Variants in SBF2 observed in about 807,000 individuals in gnomAD.
SBF2 encodes SET binding factor 2.
A neutral mutation model predicts 225.2 loss-of-function variants in SBF2; 112 were observed. The ratio of observed to expected loss-of-function variants is 0.50; its 90% confidence interval spans 0.43 to 0.58. SBF2 has a LOEUF of 0.58. SBF2 is among the 20% of genes least tolerant of loss of function. The pLI is 0.00. For synonymous variants in SBF2, 763 were observed against 773.3 expected (o/e 0.99, Z 0.22); for missense variants, 1,996 against 2,206.2 (o/e 0.90, Z 1.91).
At chr11:10,041,444 C>G (rs1459972690) in intron 3 of SBF2, among the ~76,000 whole-genome samples, 1 of 152,100 alleles carries the variant, frequency 6.6e-6, no homozygotes, top group East Asian at 1.9e-4. Context: ...TATTTAACAT[C>G]AAATATCGGT....
In SBF2 at chr11:9,968,561, T is replaced by C; in HGVS notation, c.1396-16A>G. The stretch of plus-strand genomic sequence containing the variant: ...TTGGATTCTCCTGTAATATCAGACA[T>C]AGGTAAAATTACTCCAAGTTAAAAT... On this transcript the variant is annotated splice_polypyrimidine_tract_variant and intron_variant, in intron 13 of 39. Transcript: ENST00000256190. 2 of 1,596,168 alleles carry C rather than the reference T, an allele frequency of 1.3e-6. No homozygotes were observed. The highest frequency in any genetic ancestry group is 1.7e-6 in the Non-Finnish European group (2 of 1,163,626).
At chr11:9,850,348 T>C in intron 21 of SBF2, 130 bp from the exon 22 acceptor site, 2 of 845,740 alleles carry the variant, frequency 2.4e-6, no homozygotes, top group Admixed American at 2.0e-5. Flanking sequence ...ATCAAACTCC[T>C]GGGCTCAAAA....
At chr11:10,154,286 A>C (rs1295252470) in intron 2 of SBF2, among the ~76,000 whole-genome samples, 1 of 152,108 alleles carries the variant, frequency 6.6e-6, no homozygotes, top group African/African-American at 2.4e-5. Context: ...GTGTTTGGAG[A>C]TTCTGGAAAG....
intron 1 of SBF2, among the ~76,000 whole-genome samples, chr11:10,247,900 G>A (rs1049459911): frequency 3.9e-5 from 6 of 152,162 alleles, no homozygotes; most frequent in African/African-American, 1.4e-4. Context: ...AAGAGGCACT[G>A]AAGAGGGTAG....
chr11:9,970,088 T>C (rs1232576662), intron 13 of SBF2, among the ~76,000 whole-genome samples: 2 of 152,232 alleles, frequency 1.3e-5, no homozygotes, highest in Non-Finnish European at 2.9e-5. Flanking sequence ...TAGGGAAGGC[T>C]GCTTTACAAC....
At chr11:10,272,605 C>T (rs1166614776) in intron 1 of SBF2, among the ~76,000 whole-genome samples, 1 of 152,000 alleles carries the variant, frequency 6.6e-6, no homozygotes, top group East Asian at 1.9e-4. Flanking sequence ...AACCCCGTCT[C>T]TACTAAAAAT....
At chr11:9,814,333 G>A (rs1854347422) in intron 29 of SBF2, among the ~76,000 whole-genome samples, 2 of 152,186 alleles carry the variant, frequency 1.3e-5, no homozygotes, top group African/African-American at 4.8e-5. Flanking sequence ...TGGTTGCACA[G>A]CAACATAAAT....
intron 2 of SBF2, among the ~76,000 whole-genome samples, chr11:10,121,558 T>C (rs1953451066): frequency 6.6e-6 from 1 of 152,196 alleles, no homozygotes; most frequent in Non-Finnish European, 1.5e-5. Context: ...AGGGCTAGTA[T>C]TCTCGAAACC....
intron 10 of SBF2, 52 bp downstream of exon 10, chr11:9,993,869 T>C: frequency 6.7e-7 from 1 of 1,489,826 alleles, no homozygotes; most frequent in Non-Finnish European, 9.3e-7. Context: ...ACCCTATAAA[T>C]AAAAATACAG....
At chr11:9,928,247 A>G (rs1169494886) in intron 16 of SBF2, among the ~76,000 whole-genome samples, 1 of 152,242 alleles carries the variant, frequency 6.6e-6, no homozygotes, top group African/African-American at 2.4e-5. Context: ...AAATTTTTCC[A>G]AACTCGGTAA....
At chr11:10,128,286 A>T (rs1448661498) in intron 2 of SBF2, among the ~76,000 whole-genome samples, 3 of 152,240 alleles carry the variant, frequency 2.0e-5, no homozygotes, top group Non-Finnish European at 4.4e-5. Flanking sequence ...ACTACCATAT[A>T]GAGAGCACCT....
intron 3 of SBF2, among the ~76,000 whole-genome samples, chr11:10,038,810 C>G (rs7123820): frequency 0.2 from 30,237 of 151,436 alleles, 3,930 homozygotes; most frequent in Non-Finnish European, 0.3. Context: ...GATTCAGAGA[C>G]AAGTATATAA....
chr11:10,255,829 A>G (rs1368434381), intron 1 of SBF2, among the ~76,000 whole-genome samples: 1 of 152,244 alleles, frequency 6.6e-6, no homozygotes, highest in East Asian at 1.9e-4. Context: ...AATGAATGGC[A>G]AAGATATAAA....
At chr11:10,230,589 T>C (rs1452158836) in intron 1 of SBF2, among the ~76,000 whole-genome samples, 6 of 152,220 alleles carry the variant, frequency 3.9e-5, no homozygotes, top group African/African-American at 7.2e-5. Flanking sequence ...TGGCTGGATA[T>C]GAAATTCTGG....
At chr11:10,115,548 A>G (rs1237667911) in intron 2 of SBF2, among the ~76,000 whole-genome samples, 1 of 152,216 alleles carries the variant, frequency 6.6e-6, no homozygotes, top group Non-Finnish European at 1.5e-5. Context: ...TTTGGAGTAC[A>G]CATATTTGAT....
intron 1 of SBF2, among the ~76,000 whole-genome samples, chr11:10,252,442 CTT>C (rs1353833595): frequency 6.6e-6 from 1 of 152,222 alleles, no homozygotes; most frequent in African/African-American, 2.4e-5. Flanking sequence ...ATAGCTAAAT[CTT>C]GGCCAATCCC....
chr11:10,050,597 A>C (rs1950025230), intron 2 of SBF2, among the ~76,000 whole-genome samples: 1 of 152,168 alleles, frequency 6.6e-6, no homozygotes, highest in Non-Finnish European at 1.5e-5. Flanking sequence ...GTATTATTGT[A>C]TTATACTTGC....
intron 38 of SBF2, among the ~76,000 whole-genome samples, chr11:9,783,987 G>T (rs959214277): frequency 2.0e-5 from 3 of 152,214 alleles, no homozygotes; most frequent in African/African-American, 7.2e-5. Flanking sequence ...AGGCTTATAT[G>T]TGCATGTGGT....
chr11:10,022,095 T>C (rs1032997669), intron 6 of SBF2, among the ~76,000 whole-genome samples: 1 of 152,204 alleles, frequency 6.6e-6, no homozygotes, highest in African/African-American at 2.4e-5. Context: ...AAATCTACAA[T>C]ATGGTTACCA....
Sources: gnomAD v4.1 joint callset for allele counts (sites outside exome capture counted in the v4.1 genomes callset) on GRCh38, gnomAD v4.1.1 for gene constraint, MANE v1.5 for transcripts, NCBI Gene and HGNC (gene_info 2026-07-23, HGNC 2026-07-21) for gene names.